Variants in FRMPD4 observed in about 807,000 individuals in gnomAD.
The protein encoded by FRMPD4 is FERM and PDZ domain containing 4.
In FRMPD4, 22 loss-of-function variants were observed where a neutral mutation model predicts 94.1. The ratio of observed to expected loss-of-function variants is 0.23; its 90% CI spans 0.17 to 0.33. The LOEUF (loss-of-function observed/expected upper bound fraction) is 0.33. FRMPD4 is among the 10% of genes least tolerant of loss of function. The pLI is 1.00. For missense variants in FRMPD4, 1,111 were observed against 1,339.9 expected, an observed-to-expected ratio of 0.83 and a Z score of 2.67; for synonymous variants, 631 against 548.6, an observed-to-expected ratio of 1.15 and a Z score of -2.10.
rs186149102 is a variant in FRMPD4 at position 12,042,229 on chromosome X, T to C, written c.95+164211T>C. ...TTCTTTTGACAGCTTTTTTTTTTTT[T>C]CCCAGAGTGTGGGAAACACTTTCCT... is the stretch of plus-strand genomic sequence containing the variant. On this transcript the variant is annotated intron_variant, in intron 3 of 18. Transcript: ENST00000640291. Among the ~76,000 whole-genome samples the C allele has an allele frequency of 2.9e-3, 316 of 110,669 alleles. 2 individuals carry two copies. Among genetic ancestry groups the C allele is most frequent in the African/African-American group, 9.8e-3 (298 of 30,552 alleles).
intron 1 of FRMPD4, among the ~76,000 whole-genome samples, chrX:12,293,906 C>A (rs1372824085): frequency 1.8e-5 from 2 of 112,224 alleles, no homozygotes; most frequent in African/African-American, 6.5e-5. Context: ...TAAAGCAATG[C>A]TGTCTACTTA....
chrX:12,055,944 T>C (rs2054851842), intron 3 of FRMPD4, among the ~76,000 whole-genome samples: 1 of 111,850 alleles, frequency 8.9e-6, no homozygotes, highest in Non-Finnish European at 1.9e-5. Context: ...GGAGTTATAG[T>C]GAATAAAATA....
chrX:12,008,305 C>T (rs2054564321), intron 3 of FRMPD4, among the ~76,000 whole-genome samples: 1 of 111,628 alleles, frequency 9.0e-6, no homozygotes, highest in Non-Finnish European at 1.9e-5. Flanking sequence ...GAATTCAGAA[C>T]CAGTATTCAA....
intron 1 of FRMPD4, among the ~76,000 whole-genome samples, chrX:11,845,341 T>A (rs2053568196): frequency 8.9e-6 from 1 of 111,836 alleles, no homozygotes; most frequent in African/African-American, 3.2e-5. Flanking sequence ...AGAAGATGAA[T>A]CTCTGAATAG....
intron 1 of FRMPD4, among the ~76,000 whole-genome samples, chrX:12,159,054 C>T (rs1011327261): frequency 5.3e-5 from 6 of 112,238 alleles, no homozygotes. Flanking sequence ...AGGCTATTGG[C>T]CAGCCCATTT....
At chrX:12,190,702 A>C (rs5979541) in intron 1 of FRMPD4, among the ~76,000 whole-genome samples, 15,792 of 108,083 alleles carry the variant, frequency 0.15, 1,407 homozygotes, top group African/African-American at 0.32. Flanking sequence ...ATTAAAAAAA[A>C]AAAAAAAGAA....
chrX:12,179,871 G>GT (rs1237895731), intron 1 of FRMPD4, among the ~76,000 whole-genome samples: 1 of 72,308 alleles, frequency 1.4e-5, no homozygotes, highest in Non-Finnish European at 2.3e-5. Flanking sequence ...TGCTAACCTA[G>GT]CCTTTTTTTT....
intron 1 of FRMPD4, among the ~76,000 whole-genome samples, chrX:12,280,368 C>T (rs779987061): frequency 9.1e-6 from 1 of 109,858 alleles, no homozygotes; most frequent in Non-Finnish European, 1.9e-5. Context: ...TGGTTGGAGA[C>T]CCAGGTTCTT....
chrX:11,997,530 G>T (rs926824091), intron 3 of FRMPD4, among the ~76,000 whole-genome samples: 12 of 110,981 alleles, frequency 1.1e-4, no homozygotes, highest in Non-Finnish European at 1.9e-4. Flanking sequence ...GGGTGGCTTT[G>T]TTTCTGGCTG....
At chrX:12,342,435 A>C (rs1312345811) in intron 1 of FRMPD4, among the ~76,000 whole-genome samples, 2 of 111,687 alleles carry the variant, frequency 1.8e-5, no homozygotes, top group Non-Finnish European at 3.8e-5. Flanking sequence ...CAGGGTAACA[A>C]CTATCAGTGA....
chrX:12,265,768 G>C (rs1334561892), intron 1 of FRMPD4, among the ~76,000 whole-genome samples: 2 of 109,155 alleles, frequency 1.8e-5, no homozygotes, highest in East Asian at 5.6e-4. Flanking sequence ...CCCCAAAACT[G>C]CACATGAATT....
Position 12,720,863 on chromosome X carries a change from A to G in FRMPD4, c.4294A>G (p.Ile1432Val). 1 of 869,736 alleles carries G rather than the reference A, an allele frequency of 1.1e-6. No individual in the cohort carries two copies. Among genetic ancestry groups the G allele is most frequent in the Non-Finnish European group, 1.4e-6 (1 of 711,801 alleles). 71.7% of individuals were successfully genotyped at this position (869,736 alleles called of 1,213,427 possible). A position where few individuals can be genotyped will look rare whatever the true frequency, so the allele number is the denominator to read the frequency against. Reference protein sequence around the residue: ...KGAVSLKCPGITEAQEASSER... With the variant: ...KGAVSLKCPGVTEAQEASSER... Reference sequence around the variant, plus strand: ...TGCAGTCAGCTTAAAGTGTCCAGGCATCACAGAAGCACAGGAGGCCAGTTC... The same window carrying G: ...TGCAGTCAGCTTAAAGTGTCCAGGCGTCACAGAAGCACAGGAGGCCAGTTC... The change falls in exon 17 of 17, where the codon ATC becomes GTC. Residue 1432 changes from isoleucine (I) to valine (V), a missense_variant. Physicochemically the swap from Ile to Val is conservative, Grantham distance 29. Transcript: ENST00000675598.
intron 3 of FRMPD4, among the ~76,000 whole-genome samples, chrX:11,992,413 GC>G (rs2054469861): frequency 9.0e-6 from 1 of 111,498 alleles, no homozygotes. Flanking sequence ...ACATGCTATT[GC>G]TGTGGCCATG....
chrX:12,103,213 A>T (rs746984707), intron 3 of FRMPD4, among the ~76,000 whole-genome samples: 42 of 111,763 alleles, frequency 3.8e-4, no homozygotes, highest in Non-Finnish European at 7.0e-4. Flanking sequence ...TATTATGAGG[A>T]CTAAATTAGT....
At chrX:12,700,387 C>T (rs1354670195) in intron 9 of FRMPD4, among the ~76,000 whole-genome samples, 10 of 112,231 alleles carry the variant, frequency 8.9e-5, no homozygotes, top group African/African-American at 2.3e-4. Context: ...AGTAAGTGAA[C>T]GCACGTGTAG....
chrX:11,892,936 T>C lies in FRMPD4; in HGVS notation c.95+14918T>C, dbSNP rs375327388. Among the ~76,000 whole-genome samples, 48 of 111,925 alleles carry C rather than the reference T, an allele frequency of 4.3e-4. No individual in the cohort carries two copies. The East Asian group carries it at 7.5e-3, about 18-fold the overall frequency. ...GGACGTCAAAATTAAAAGAAAAAAATTCTTGGGGGTTACATCCTAGGTTTT... is the reference window on the plus strand; with the variant it reads ...GGACGTCAAAATTAAAAGAAAAAAACTCTTGGGGGTTACATCCTAGGTTTT... On this transcript the variant is annotated intron_variant, in intron 3 of 18. Transcript: ENST00000640291.
chrX:12,177,217 G>A (rs1169068781), intron 1 of FRMPD4, among the ~76,000 whole-genome samples: 1 of 112,078 alleles, frequency 8.9e-6, no homozygotes, highest in African/African-American at 3.2e-5. Flanking sequence ...TGCTTTTTGT[G>A]GAACAAGGTT....
chrX:12,225,315 A>G (rs2056910227), intron 1 of FRMPD4, among the ~76,000 whole-genome samples: 1 of 112,228 alleles, frequency 8.9e-6, no homozygotes, highest in Non-Finnish European at 1.9e-5. Context: ...AGTGAACACT[A>G]ATGTCCCCAA....
chrX:11,863,639 GA>G (rs1000536552), intron 1 of FRMPD4, among the ~76,000 whole-genome samples: 28 of 111,461 alleles, frequency 2.5e-4, no homozygotes, highest in African/African-American at 9.1e-4. Context: ...TATTATGTAT[GA>G]AAAAAACAGA....
Sources: gnomAD v4.1 joint callset for allele counts (sites outside exome capture counted in the v4.1 genomes callset) on GRCh38, gnomAD v4.1.1 for gene constraint, MANE v1.5 for transcripts, NCBI Gene and HGNC (gene_info 2026-07-23, HGNC 2026-07-21) for gene names.